Variants in NOD2 observed in about 807,000 individuals in gnomAD.
NOD2 encodes nucleotide binding oligomerization domain containing 2.
NOD2 carries 86 observed loss-of-function variants against 90.9 expected under a neutral mutation model. That is an observed-to-expected ratio of 0.95 (90% CI 0.79 to 1.13). The LOEUF (loss-of-function observed/expected upper bound fraction) is 1.13, where lower values mean the gene tolerates loss of function less well. Ranked by LOEUF, NOD2 falls within the 50% of genes most tolerant of loss-of-function variation. The probability of loss-of-function intolerance (pLI) is 0.00; values close to 1 mark genes in which losing one functional copy is unlikely to be tolerated. For missense variants in NOD2, 1,238 were observed against 1,283.8 expected (o/e 0.96, Z 0.55); for synonymous variants, 581 against 554.6 (o/e 1.05, Z -0.67).
intron 10 of NOD2, chr16:50,728,954 T>C (rs913189276): frequency 6.5e-6 from 1 of 152,898 alleles, no homozygotes; most frequent in African/African-American, 2.4e-5. Flanking sequence ...TTCATGCTGA[T>C]GATAAAGATA....
At chr16:50,710,528 C>A (rs1411526262) in intron 3 of NOD2, 30 bp from the exon 4 acceptor site, 1 of 1,614,004 alleles carries the variant, frequency 6.2e-7, no homozygotes, top group Non-Finnish European at 8.5e-7. Flanking sequence ...CATGGTGCCA[C>A]CTTCATCTGC....
At position 50,716,645 on chromosome 16, in the gene NOD2, C is replaced by T; in HGVS notation, c.2440C>T (p.His814Tyr). ...GICKLIECAL[H>Y]CEQLQKLALF... ...CTGCAAGCTCATTGAATGTGCTCTTCACTGCGAGCAATTGCAGAAGTTAGC... is the reference window on the plus strand; with the variant it reads ...CTGCAAGCTCATTGAATGTGCTCTTTACTGCGAGCAATTGCAGAAGTTAGC... Residue 814 changes from histidine to tyrosine, a missense_variant, in exon 5 of 12, where the codon CAC becomes TAC. His to Tyr is a moderately conservative substitution (Grantham distance 83). This residue lies in a region of NOD2 where 667 missense variants were observed against 688.7 expected (regional missense o/e 0.97). Transcript: ENST00000647318. 1 of 1,614,196 alleles carries T rather than the reference C, an allele frequency of 6.2e-7. No homozygotes were observed.
chr16:50,711,563 G>A lies in NOD2; in HGVS notation c.1571G>A (p.Gly524Asp). ...CGCCTCCCCACCCTCCTGCACCTGG[G>A]CAGACTGGCTCTGTGGGGCCTGGGC... ...RGRLPTLLHL[G>D]RLALWGLGMC... The change falls in exon 4 of 12, where the codon GGC becomes GAC. Residue 524 changes from glycine (G) to aspartate (D), a missense_variant. Physicochemically the swap from Gly to Asp is moderately conservative, Grantham distance 94 (BLOSUM62 -1). This residue lies in a region of NOD2 where 667 missense variants were observed against 688.7 expected (regional missense o/e 0.97). Coordinates refer to ENST00000647318, the MANE Select transcript of NOD2 (RefSeq NM_001370466.1). 1.9e-6 allele frequency: 3 copies of A among 1,612,266 alleles called. No homozygotes were observed. The highest frequency in any genetic ancestry group is 2.5e-6 in the Non-Finnish European group (3 of 1,180,012).
chr16:50,725,326 T>C (rs1173705391), intron 9 of NOD2, among the ~76,000 whole-genome samples, 163 bp from the exon 10 acceptor site: 2 of 151,656 alleles, frequency 1.3e-5, no homozygotes, highest in Admixed American at 6.6e-5. Flanking sequence ...CTTGCAAATA[T>C]GTCCCTGGAA....
Position 50,731,788 on chromosome 16 carries a change from T to A in NOD2, c.3011T>A (p.Leu1004His), listed in dbSNP as rs1451481984. Reference sequence around the variant, plus strand: ...TTCTCTCTAGAGGAGGTTGACAAGCTCGGCTGCAGGGACACCAGACTCTTG... The same window carrying A: ...TTCTCTCTAGAGGAGGTTGACAAGCACGGCTGCAGGGACACCAGACTCTTG... ...NTFSLEEVDKLGCRDTRLLL is the reference protein window; with the variant it reads ...NTFSLEEVDKHGCRDTRLLL Residue 1004 changes from leucine (L) to histidine (H), a missense_variant, in exon 12 of 12, where the codon CTC (leucine) becomes CAC (histidine). By Grantham distance (99) the Leu-to-His change is moderately conservative. Coordinates refer to ENST00000647318, the MANE Select transcript of NOD2 (RefSeq NM_001370466.1). The A allele has an allele frequency of 3.1e-6, 5 of 1,613,784 alleles. No homozygotes were observed. The highest frequency in any genetic ancestry group is 4.2e-6 in the Non-Finnish European group (5 of 1,179,828).
intron 1 of NOD2, chr16:50,697,144 C>A: frequency 9.5e-7 from 1 of 1,057,416 alleles, no homozygotes; most frequent in Non-Finnish European, 1.4e-6. Flanking sequence ...GGTTGGTAGA[C>A]AGATCCAGGC....
intron 11 of NOD2, 57 bp downstream of exon 11, chr16:50,729,958 A>G (rs1371371762): frequency 1.5e-6 from 2 of 1,311,338 alleles, no homozygotes; most frequent in East Asian, 4.6e-5. Context: ...TTCTATCTGT[A>G]AAATGGGGTG....
chr16:50,705,682 C>T (rs183350453), intron 2 of NOD2, among the ~76,000 whole-genome samples: 9 of 152,304 alleles, frequency 5.9e-5, no homozygotes, highest in Non-Finnish European at 1.2e-4. Context: ...TCATGCTGAT[C>T]ATTCCAGAGC....
At chr16:50,712,436 G>A in intron 4 of NOD2, 63 bp downstream of exon 4, 1 of 1,601,268 alleles carries the variant, frequency 6.2e-7, no homozygotes. Flanking sequence ...AAGTGTGGGA[G>A]CACCGAGCTG....
rs1355322844 is a variant in NOD2 at position 50,711,499 on chromosome 16, T to C, written c.1507T>C (p.Ser503Pro). Residue 503 changes from serine (S) to proline (P), a missense_variant, in exon 4 of 12, where the codon TCA (serine) becomes CCA (proline). By Grantham distance (74) the Ser-to-Pro change is moderately conservative. Coordinates refer to ENST00000647318, the MANE Select transcript of NOD2 (RefSeq NM_001370466.1). ...TCTGCTGCATGCCACCCCCCCAGAC[T>C]CAGCTTCCCAAGGTCTGGGACCCAG... ...HFLLHATPPD[S>P]ASQGLGPSLL... 2 of 1,613,136 alleles carry C rather than the reference T, an allele frequency of 1.2e-6. No homozygotes were observed. The highest frequency in any genetic ancestry group is 1.7e-6 in the Non-Finnish European group (2 of 1,179,934).
Position 50,729,902 on chromosome 16 carries a change from G to A in NOD2, c.2969+1G>A, listed in dbSNP as rs757838164. On this transcript the variant is annotated splice_donor_variant, in intron 11 of 11. Transcript: ENST00000647318. LOFTEE classifies it high-confidence loss of function. ...GGAATGACACCATCCTGGAAGTCTG[G>A]TAAGGCCCCTGGGCAGGCCTGTTTT... The A allele has an allele frequency of 1.9e-6, 3 of 1,612,030 alleles. No homozygotes were observed. The highest frequency in any genetic ancestry group is 2.2e-5 in the South Asian group (2 of 91,020).
intron 10 of NOD2, chr16:50,728,430 G>A: frequency 4.0e-6 from 1 of 251,302 alleles, no homozygotes; most frequent in Non-Finnish European, 8.0e-6. Context: ...TTTGCTTTTT[G>A]TCTAACATCA....
rs574220379 is a variant in NOD2, at chr16:50,722,514, C to T, written c.2634-108C>T. ...TGAGGCCACTCTGGGATTGAGTGGT[C>T]CTGCCCCTCTGGCTGGGACTGCAGA... is the stretch of plus-strand genomic sequence containing the variant. On this transcript the variant is annotated intron_variant, in intron 7 of 11. Coordinates refer to ENST00000647318, the MANE Select transcript of NOD2 (RefSeq NM_001370466.1). The T allele has an allele frequency of 4.6e-6, 5 of 1,082,208 alleles. No individual in the cohort carries two copies. In the East Asian group the frequency reaches 9.5e-5, roughly 20 times the overall value. 67.0% of individuals were successfully genotyped at this position (1,082,208 alleles called of 1,614,324 possible).
At position 50,712,038 on chromosome 16, in the gene NOD2, G is replaced by A. The variant is rs776701942; in HGVS notation, c.2046G>A (p.Trp682Ter). 6 of 1,613,210 alleles carry A rather than the reference G, an allele frequency of 3.7e-6. No individual in the cohort carries two copies. Among genetic ancestry groups the A allele is most frequent in the Middle Eastern group, 1.7e-4 (1 of 6,056 alleles). ...TCCGGCGCCAGGCCTGTGCCCGCTG[G>A]TGTCTGGCCCGCAGCCTCCGCAAGC... ...ALLRRQACAR[W>*]CLARSLRKHF... Residue 682 changes from tryptophan to a stop codon, truncating the protein, a stop_gained, in exon 4 of 12, where the codon TGG becomes TGA. Transcript: ENST00000647318. LOFTEE classifies it high-confidence loss of function.
rs780204985 is a variant in NOD2 at position 50,699,574 on chromosome 16, G to A, written c.79G>A (p.Glu27Lys). 4.2e-5 allele frequency: 68 copies of A among 1,614,028 alleles called. No homozygotes were observed. Among genetic ancestry groups the A allele is most frequent in the East Asian group, 2.0e-4 (9 of 44,880 alleles). The change falls in exon 2 of 12, where the codon GAG becomes AAG. Residue 27 changes from glutamate to lysine, a missense_variant. Physicochemically the swap from Glu to Lys is moderately conservative, Grantham distance 56 (BLOSUM62 1). This residue lies in a region of NOD2 where 567 missense variants were observed against 577.3 expected (regional missense o/e 0.98). Coordinates refer to ENST00000647318, the MANE Select transcript of NOD2 (RefSeq NM_001370466.1). ...GGTCTCAGGGTCCCTGGAAGGCTTC[G>A]AGAGTGTCCTGGACTGGCTGCTGTC... ...LLVSGSLEGF[E>K]SVLDWLLSWE...
intron 1 of NOD2, among the ~76,000 whole-genome samples, chr16:50,698,877 C>G (rs771343127): frequency 1.3e-5 from 2 of 151,484 alleles, no homozygotes; most frequent in Non-Finnish European, 2.9e-5. Context: ...CACCCTGCTT[C>G]GAAGAGAATG....
At chr16:50,694,472 G>T (rs531624656) in intron 1 of NOD2, among the ~76,000 whole-genome samples, 1 of 152,078 alleles carries the variant, frequency 6.6e-6, no homozygotes, top group Admixed American at 6.5e-5. Flanking sequence ...GAGTTTGTTG[G>T]CTGCTCAAGG....
rs766400249 is a variant in NOD2 at position 50,722,720 on chromosome 16, C to T, written c.2717+15C>T. On this transcript the variant is annotated intron_variant, in intron 8 of 11. Coordinates refer to ENST00000647318, the MANE Select transcript of NOD2 (RefSeq NM_001370466.1). Reference sequence around the variant, plus strand: ...AGGTGGCTCAGGTAAGCTTCAGAGTCTATCCTGCAGTTTTCTTGGGGAGAT... The same window carrying T: ...AGGTGGCTCAGGTAAGCTTCAGAGTTTATCCTGCAGTTTTCTTGGGGAGAT... The T allele has an allele frequency of 6.2e-7, 1 of 1,612,962 alleles. No homozygotes were observed. The highest frequency in any genetic ancestry group is 8.5e-7 in the Non-Finnish European group (1 of 1,178,902).
At chr16:50,706,104 G>A (rs1474756698) in intron 2 of NOD2, among the ~76,000 whole-genome samples, 1 of 152,216 alleles carries the variant, frequency 6.6e-6, no homozygotes, top group Non-Finnish European at 1.5e-5. Flanking sequence ...AGGAGGACAG[G>A]GAATTAGCCA....
Sources: gnomAD v4.1 joint callset for allele counts (sites outside exome capture counted in the v4.1 genomes callset) on GRCh38, gnomAD v4.1.1 for gene constraint, gnomAD v4.1.1 regional missense constraint, MANE v1.5 for transcripts, NCBI Gene and HGNC (gene_info 2026-07-23, HGNC 2026-07-21) for gene names.